FER: variants seen among roughly 807,000 people sequenced by gnomAD.
FER encodes the protein FER tyrosine kinase.
Under a neutral mutation model 111.0 loss-of-function variants are expected in FER, and 63 were observed. The observed-to-expected ratio is 0.57, with a 90% CI of 0.46 to 0.70. The LOEUF (loss-of-function observed/expected upper bound fraction) is 0.70. FER is among the 30% of genes least tolerant of loss of function. FER has a pLI of 0.00. For missense variants in FER, 914 were observed against 954.0 expected, an observed-to-expected ratio of 0.96 and a Z score of 0.55; for synonymous variants, 327 against 313.9, an observed-to-expected ratio of 1.04 and a Z score of -0.44.
At chr5:109,073,025 C>T (rs1368698789) in intron 16 of FER, among the ~76,000 whole-genome samples, 1 of 152,028 alleles carries the variant, frequency 6.6e-6, no homozygotes, top group African/African-American at 2.4e-5. Context: ...TATAAAGACA[C>T]TAGTCATTGG....
rs771577555 is a variant in FER at position 108,798,156 on chromosome 5, T to C, written c.-27T>C. 23 of 1,572,398 alleles carry C rather than the reference T, an allele frequency of 1.5e-5. No homozygotes were observed. Among genetic ancestry groups the C allele is most frequent in the Non-Finnish European group, 1.9e-5 (22 of 1,142,440 alleles). On this transcript the variant is annotated 5_prime_UTR_variant, in exon 3 of 20. Transcript: ENST00000281092. ...CTGATTAGAAGGCTCACTTGTGCAG[T>C]GTGGAGGATAACCAGTGCCTTACAA...
intron 10 of FER, among the ~76,000 whole-genome samples, chr5:108,925,339 TTTTCA>T (rs754312624): frequency 5.3e-5 from 8 of 152,066 alleles, no homozygotes; most frequent in Admixed American, 2.0e-4. Context: ...CTGGTAAAGC[TTTTCA>T]TTATGATATG....
At chr5:108,907,335 C>T (rs1169122166) in intron 10 of FER, among the ~76,000 whole-genome samples, 1 of 151,820 alleles carries the variant, frequency 6.6e-6, no homozygotes, top group African/African-American at 2.4e-5. Flanking sequence ...CACTCTGTTG[C>T]CCAGGCTGGA....
intron 17 of FER, among the ~76,000 whole-genome samples, chr5:109,143,633 A>C (rs1453128983): frequency 6.6e-6 from 1 of 151,984 alleles, no homozygotes; most frequent in African/African-American, 2.4e-5. Flanking sequence ...TTTTTCTAAA[A>C]ACAGATATAA....
chr5:109,157,810 T>C (rs551509900), intron 17 of FER, among the ~76,000 whole-genome samples: 8 of 152,238 alleles, frequency 5.3e-5, no homozygotes, highest in African/African-American at 1.9e-4. Flanking sequence ...AAACATGTAT[T>C]GAGAACTACT....
rs1297547908 is a variant in FER at position 108,981,463 on chromosome 5, T to A, written c.1656+22116T>A. On this transcript the variant is annotated intron_variant, in intron 13 of 19. Transcript: ENST00000281092. Reference sequence around the variant, plus strand: ...ATTATACAGAAATGTTTATCAAGGTTCCTCTAAAGTCGATATAGGCTACAC... The same window carrying A: ...ATTATACAGAAATGTTTATCAAGGTACCTCTAAAGTCGATATAGGCTACAC... Among the ~76,000 whole-genome samples the A allele has an allele frequency of 2.0e-5, 3 of 152,158 alleles. No homozygotes were observed. In the East Asian group the frequency reaches 5.8e-4, roughly 29 times the overall value.
At chr5:108,775,631 C>T (rs187688598) in intron 2 of FER, among the ~76,000 whole-genome samples, 18 of 152,082 alleles carry the variant, frequency 1.2e-4, no homozygotes, top group Admixed American at 1.2e-3. Flanking sequence ...GATCATCATG[C>T]GTTAATGTTG....
At chr5:109,007,406 A>T (rs1473780171) in intron 13 of FER, among the ~76,000 whole-genome samples, 1 of 152,104 alleles carries the variant, frequency 6.6e-6, no homozygotes, top group African/African-American at 2.4e-5. Context: ...GTTGTTTACC[A>T]CCACAGTCAA....
chr5:108,848,043 A>G (rs1156361766), intron 5 of FER, among the ~76,000 whole-genome samples: 2 of 152,080 alleles, frequency 1.3e-5, no homozygotes, highest in Non-Finnish European at 2.9e-5. Context: ...ATGTGTTGCC[A>G]TGCCCAGCTA....
At chr5:108,972,597 T>C (rs1192853591) in intron 13 of FER, among the ~76,000 whole-genome samples, 2 of 152,206 alleles carry the variant, frequency 1.3e-5, no homozygotes, top group African/African-American at 2.4e-5. Context: ...ATTAAAGGTG[T>C]TTGAGAGCAA....
chr5:109,185,235 G>A (rs1486408160), intron 18 of FER, among the ~76,000 whole-genome samples: 3 of 152,128 alleles, frequency 2.0e-5, no homozygotes, highest in Admixed American at 2.0e-4. Context: ...ATGTAGCTCA[G>A]TAAAACAGGT....
chr5:108,856,676 A>G (rs1343194434), intron 5 of FER, among the ~76,000 whole-genome samples: 2 of 152,160 alleles, frequency 1.3e-5, no homozygotes, highest in Non-Finnish European at 2.9e-5. Flanking sequence ...TGGATTGTAG[A>G]TAAACATTTA....
chr5:108,809,257 A>G (rs1418451733), intron 3 of FER, among the ~76,000 whole-genome samples: 1 of 152,072 alleles, frequency 6.6e-6, no homozygotes, highest in Non-Finnish European at 1.5e-5. Context: ...GCTTTACCTA[A>G]TCCCGTATTT....
chr5:109,191,084 G>A lies in FER; in HGVS notation c.*3509G>A, dbSNP rs1480689934. The A allele has an allele frequency of 1.3e-5, 2 of 152,126 alleles. No individual in the cohort carries two copies. The highest frequency in any genetic ancestry group is 4.8e-5 in the African/African-American group (2 of 41,436). 9.4% of individuals were successfully genotyped at this position (152,126 alleles called of 1,614,324 possible). A position where few individuals can be genotyped will look rare whatever the true frequency, so the allele number is the denominator to read the frequency against. On this transcript the variant is annotated 3_prime_UTR_variant, in exon 20 of 20. Transcript: ENST00000281092. ...CTTCACAATACTAGTGTTAGATTAT[G>A]TCAAGAAGAAAGTGTTTTAGTTACA...
At chr5:108,887,541 GAAAT>G (rs1022801528) in intron 9 of FER, among the ~76,000 whole-genome samples, 17 of 151,260 alleles carry the variant, frequency 1.1e-4, no homozygotes, top group Admixed American at 8.6e-4. Flanking sequence ...TAGAATGAAA[GAAAT>G]AAAACCAACC....
At chr5:109,075,397 A>AG (rs1162296461) in intron 16 of FER, among the ~76,000 whole-genome samples, 10 of 151,936 alleles carry the variant, frequency 6.6e-5, no homozygotes, top group South Asian at 4.1e-4. Flanking sequence ...TTTCTTGGCT[A>AG]AAAATATCTT....
intron 17 of FER, among the ~76,000 whole-genome samples, chr5:109,156,064 G>A (rs1271604882): frequency 6.6e-6 from 1 of 151,976 alleles, no homozygotes; most frequent in Admixed American, 6.6e-5. Context: ...GCGATATTAA[G>A]GGATTTAGAC....
intron 10 of FER, among the ~76,000 whole-genome samples, chr5:108,899,819 A>C (rs1358806115): frequency 1.3e-5 from 2 of 151,652 alleles, no homozygotes; most frequent in African/African-American, 4.9e-5. Context: ...AAAAAAAAAA[A>C]TTCTGATCAT....
At chr5:108,975,870 C>T (rs1434545197) in intron 13 of FER, among the ~76,000 whole-genome samples, 1 of 152,112 alleles carries the variant, frequency 6.6e-6, no homozygotes, top group Non-Finnish European at 1.5e-5. Flanking sequence ...GTTTATAATT[C>T]AGCAGCTAGG....
Sources: gnomAD v4.1 joint callset for allele counts (sites outside exome capture counted in the v4.1 genomes callset) on GRCh38, gnomAD v4.1.1 for gene constraint, MANE v1.5 for transcripts, NCBI Gene and HGNC (gene_info 2026-07-23, HGNC 2026-07-21) for gene names.